Variants in LGSN observed in about 807,000 individuals in gnomAD.
LGSN encodes the protein lengsin.
Under a neutral mutation model 19.5 loss-of-function variants are expected in LGSN, and 21 were observed. The ratio of observed to expected loss-of-function variants is 1.07; its 90% CI spans 0.76 to 1.55. The LOEUF (loss-of-function observed/expected upper bound fraction) is 1.55, where lower values mean the gene tolerates loss of function less well. Among genes scored for constraint, LGSN ranks in the 40% most tolerant of loss-of-function variants. The pLI, the probability that LGSN is intolerant of heterozygous loss-of-function variation, is 0.00. For synonymous variants in LGSN, 257 were observed against 215.6 expected, an observed-to-expected ratio of 1.19 and a Z score of -1.68; for missense variants, 673 against 608.5, an observed-to-expected ratio of 1.11 and a Z score of -1.12.
chr6:63,335,620 C>A, the LGSN span, among the ~76,000 whole-genome samples: 1 of 152,204 alleles, frequency 6.6e-6, no homozygotes, highest in South Asian at 2.1e-4. Context: ...ATGAGATGTC[C>A]TATTACCCCA....
chr6:63,386,698 C>G, the LGSN span, among the ~76,000 whole-genome samples: 3 of 152,164 alleles, frequency 2.0e-5, no homozygotes, highest in African/African-American at 7.2e-5. Context: ...ATGTTCCTTT[C>G]CCTGACTCAA....
chr6:63,489,233 C>A, the LGSN span, among the ~76,000 whole-genome samples: 1 of 152,084 alleles, frequency 6.6e-6, no homozygotes, highest in African/African-American at 2.4e-5. Flanking sequence ...TGTAATTTAT[C>A]CAATAAATAC....
chr6:63,316,365 C>T (rs1192901426), intron 1 of LGSN, among the ~76,000 whole-genome samples: 1 of 152,134 alleles, frequency 6.6e-6, no homozygotes, highest in Non-Finnish European at 1.5e-5. Context: ...CAGTGTGTAT[C>T]AACCCATAAA....
upstream of LGSN, among the ~76,000 whole-genome samples, chr6:63,323,297 A>C (rs1044833144): frequency 6.6e-6 from 1 of 152,184 alleles, no homozygotes; most frequent in African/African-American, 2.4e-5. Context: ...TGTTACATGA[A>C]TATAGTGCAT....
chr6:63,361,852 C>A, the LGSN span, among the ~76,000 whole-genome samples: 4 of 152,246 alleles, frequency 2.6e-5, no homozygotes, highest in East Asian at 7.7e-4. Flanking sequence ...TTTCAGTGAA[C>A]TTCTTGTTAG....
intron 2 of LGSN, among the ~76,000 whole-genome samples, chr6:63,287,569 G>A (rs183215382): frequency 1.3e-5 from 2 of 152,144 alleles, no homozygotes. Flanking sequence ...TTTGCTGGGT[G>A]TGGTGTCATG....
intron 1 of LGSN, among the ~76,000 whole-genome samples, chr6:63,299,183 G>A (rs1023723979): frequency 6.6e-6 from 1 of 152,082 alleles, no homozygotes; most frequent in African/African-American, 2.4e-5. Flanking sequence ...AACTAAATTG[G>A]TCTCCAAATT....
rs767223811 is a variant in LGSN at position 63,295,063 on chromosome 6, A to G, written c.31-18T>C. The G allele has an allele frequency of 6.2e-7, 1 of 1,608,184 alleles. No individual in the cohort carries two copies. The highest frequency in any genetic ancestry group is 1.3e-5 in the African/African-American group (1 of 74,846). On this transcript the variant is annotated intron_variant, in intron 1 of 3. Coordinates refer to ENST00000370657, the MANE Select transcript of LGSN (RefSeq NM_016571.3). ...GTTGAGTCCTGTTGATAATTAATAAACAAAAAGCCAAATAACAGATTATTC... is the reference window on the plus strand; with the variant it reads ...GTTGAGTCCTGTTGATAATTAATAAGCAAAAAGCCAAATAACAGATTATTC...
the LGSN span, among the ~76,000 whole-genome samples, chr6:63,399,542 C>T: frequency 6.7e-6 from 1 of 149,866 alleles, no homozygotes; most frequent in Non-Finnish European, 1.5e-5. Context: ...TTACAGTTGC[C>T]TGCCACCATG....
chr6:63,425,615 CGG>C, the LGSN span, among the ~76,000 whole-genome samples: 2 of 151,506 alleles, frequency 1.3e-5, no homozygotes, highest in Admixed American at 6.6e-5. Context: ...AGTTAGGGAG[CGG>C]GGGAAGGGAG....
At chr6:63,353,805 C>T in the LGSN span, among the ~76,000 whole-genome samples, 1 of 151,894 alleles carries the variant, frequency 6.6e-6, no homozygotes, top group African/African-American at 2.4e-5. Context: ...GACACATAGA[C>T]CAATGAAACA....
the LGSN span, among the ~76,000 whole-genome samples, chr6:63,513,240 T>C: frequency 0.54 from 81,414 of 152,018 alleles, 23,631 homozygotes; most frequent in African/African-American, 0.77. Context: ...TTCTTATTAT[T>C]GTCCCTTTTG....
chr6:63,277,321 G>A lies in LGSN; in HGVS notation c.*2700C>T, dbSNP rs1487899076. ...TATGCCACTTTATAGGGATGGGTTA[G>A]AGCCAATCCCATTTTTTGGATGTGT... On this transcript the variant is annotated 3_prime_UTR_variant, in exon 4 of 4. Transcript: ENST00000370657. The A allele has an allele frequency of 1.3e-5, 2 of 152,256 alleles. No homozygotes were observed. The highest frequency in any genetic ancestry group is 4.1e-4 in the South Asian group (2 of 4,822). The allele number at this position is 152,256 out of a possible 1,614,324, so 9.4% of individuals were successfully genotyped here. A position where few individuals can be genotyped will look rare whatever the true frequency, so the allele number is the denominator to read the frequency against.
the LGSN span, among the ~76,000 whole-genome samples, chr6:63,419,443 A>G: frequency 9.9e-5 from 15 of 152,166 alleles, no homozygotes; most frequent in South Asian, 2.1e-4. Flanking sequence ...AATACACTGC[A>G]AACTCTGAAG....
At chr6:63,473,293 C>A in the LGSN span, among the ~76,000 whole-genome samples, 1 of 151,162 alleles carries the variant, frequency 6.6e-6, no homozygotes, top group African/African-American at 2.4e-5. Context: ...GGCAACATGG[C>A]AAAACCCTGT....
chr6:63,358,911 A>G, the LGSN span, among the ~76,000 whole-genome samples: 245 of 152,252 alleles, frequency 1.6e-3, 1 homozygote, highest in Non-Finnish European at 3.3e-3. Flanking sequence ...GTCTTGTGCC[A>G]GTTTTCAAAG....
At chr6:63,443,884 G>T in the LGSN span, among the ~76,000 whole-genome samples, 1 of 149,082 alleles carries the variant, frequency 6.7e-6, no homozygotes, top group African/African-American at 2.5e-5. Flanking sequence ...CTGTGTAAAG[G>T]CTCATTTCTA....
the LGSN span, among the ~76,000 whole-genome samples, chr6:63,463,596 G>A: frequency 6.6e-6 from 1 of 152,088 alleles, no homozygotes; most frequent in African/African-American, 2.4e-5. Context: ...TGTACGTTAT[G>A]TGTGACTGCT....
the LGSN span, among the ~76,000 whole-genome samples, chr6:63,424,873 T>C: frequency 2.6e-5 from 4 of 151,956 alleles, no homozygotes; most frequent in African/African-American, 7.2e-5. Context: ...GATGTGCCAC[T>C]GCACTCCAGC....
Sources: allele counts gnomAD v4.1 joint callset (sites outside exome capture counted in the v4.1 genomes callset), GRCh38; gene constraint gnomAD v4.1.1; transcripts MANE v1.5; gene names NCBI Gene and HGNC (gene_info 2026-07-23, HGNC 2026-07-21).